TF: variants seen among roughly 807,000 people sequenced by gnomAD.
TF encodes transferrin.
Under a neutral mutation model 82.4 loss-of-function variants are expected in TF, and 55 were observed. The ratio of observed to expected loss-of-function variants is 0.67; its 90% confidence interval spans 0.54 to 0.84. TF has a LOEUF of 0.84. TF is among the 40% of genes least tolerant of loss of function. The probability of loss-of-function intolerance (pLI) is 0.00; values close to 1 mark genes in which losing one functional copy is unlikely to be tolerated. For synonymous variants in TF, 332 were observed against 332.6 expected, an observed-to-expected ratio of 1.00 and a Z score of 0.02; for missense variants, 737 against 868.4, an observed-to-expected ratio of 0.85 and a Z score of 1.90.
intron 16 of TF, 146 bp downstream of exon 16, chr3:133,777,384 C>T (rs554048970): frequency 1.4e-4 from 106 of 757,204 alleles, no homozygotes; most frequent in South Asian, 9.4e-4. Flanking sequence ...AATCTAAGCC[C>T]GGCATGTATG....
chr3:133,727,760 T>G, the TF span, among the ~76,000 whole-genome samples: 1 of 128,186 alleles, frequency 7.8e-6, no homozygotes. Context: ...TCGATGGTCT[T>G]TACATTTTGG....
chr3:133,720,340 T>C, the TF span, among the ~76,000 whole-genome samples: 51,671 of 152,042 alleles, frequency 0.34, 9,034 homozygotes, highest in East Asian at 0.41. Flanking sequence ...CTTTTTTGTG[T>C]CTATTCAAAT....
chr3:133,740,986 ATTTTTTTTTTTTTT>A, the TF span, among the ~76,000 whole-genome samples: 1 of 47,454 alleles, frequency 2.1e-5, no homozygotes, highest in Admixed American at 3.4e-4. Flanking sequence ...ATCCAGCTCT[ATTTTTTTTTTTTTT>A]TTTTTTTTTG....
chr3:133,782,071 G>A lies in TF; in HGVS notation c.*3451G>A, dbSNP rs1934526250. ...GTGTTCAACATCACTAATCATAAGGGAAATGTGAATTGAAACCATTATGAG... is the reference window on the plus strand; with the variant it reads ...GTGTTCAACATCACTAATCATAAGGAAAATGTGAATTGAAACCATTATGAG... On this transcript the variant is annotated 3_prime_UTR_variant, in exon 17 of 17. Coordinates refer to ENST00000402696, the MANE Select transcript of TF (RefSeq NM_001063.4). 6.6e-6 allele frequency: 1 copy of A among 152,044 alleles called. No homozygotes were observed. The highest frequency in any genetic ancestry group is 1.5e-5 in the Non-Finnish European group (1 of 68,016). The allele number at this position is 152,044 out of a possible 1,614,324, so 9.4% of individuals were successfully genotyped here.
At chr3:133,699,123 G>A in the TF span, among the ~76,000 whole-genome samples, 1 of 152,250 alleles carries the variant, frequency 6.6e-6, no homozygotes, top group Non-Finnish European at 1.5e-5. Context: ...ACAGAGCCTG[G>A]AGAGCCTTCA....
At position 133,764,887 on chromosome 3, in the gene TF, G is replaced by A; in HGVS notation, c.1310G>A (p.Cys437Tyr). 3 of 1,614,048 alleles carry A rather than the reference G, an allele frequency of 1.9e-6. No homozygotes were observed. Reference sequence around the variant, plus strand: ...TTTTCTCCTGCAGAGAGCGATAATTGTGAGGATACACCAGAGGCAGGTGAG... The same window carrying A: ...TTTTCTCCTGCAGAGAGCGATAATTATGAGGATACACCAGAGGCAGGTGAG... ...LAENYNKSDN[C>Y]EDTPEAGYFA... Residue 437 changes from cysteine to tyrosine, a missense_variant, in exon 11 of 17, where the codon TGT becomes TAT. Cys to Tyr is a radical substitution (Grantham distance 194). Coordinates refer to ENST00000402696, the MANE Select transcript of TF (RefSeq NM_001063.4).
the TF span, among the ~76,000 whole-genome samples, chr3:133,694,741 A>G: frequency 6.6e-6 from 1 of 152,156 alleles, no homozygotes; most frequent in Non-Finnish European, 1.5e-5. Flanking sequence ...TCTCCCTCTC[A>G]GCCCCCTTGC....
At chr3:133,689,179 A>G in the TF span, among the ~76,000 whole-genome samples, 1 of 152,070 alleles carries the variant, frequency 6.6e-6, no homozygotes. Context: ...AGAAAAATAC[A>G]AAAATTAGCC....
chr3:133,753,841 T>C, intron 3 of TF, 138 bp downstream of exon 3: 1 of 764,722 alleles, frequency 1.3e-6, no homozygotes. Context: ...TGAGGGGCCC[T>C]GTCAGCTGCC....
the TF span, among the ~76,000 whole-genome samples, chr3:133,709,337 G>A: frequency 6.6e-5 from 10 of 152,270 alleles, no homozygotes; most frequent in East Asian, 1.9e-3. Context: ...CAGCCAGAAG[G>A]GGGACAGGAT....
At chr3:133,671,092 G>C in the TF span, among the ~76,000 whole-genome samples, 1 of 152,208 alleles carries the variant, frequency 6.6e-6, no homozygotes, top group Non-Finnish European at 1.5e-5. Context: ...CCTTGAAGAG[G>C]CTCCAATAAA....
the TF span, among the ~76,000 whole-genome samples, chr3:133,716,779 T>C: frequency 1.3e-5 from 2 of 152,238 alleles, no homozygotes; most frequent in Non-Finnish European, 2.9e-5. Context: ...CTTTGATCTG[T>C]AAGGTTCTTT....
chr3:133,675,039 G>C, the TF span, among the ~76,000 whole-genome samples: 12 of 152,070 alleles, frequency 7.9e-5, no homozygotes, highest in Admixed American at 7.9e-4. Context: ...GATGTCAGGA[G>C]TTCCACACCA....
At chr3:133,696,877 A>G in the TF span, among the ~76,000 whole-genome samples, 1 of 152,258 alleles carries the variant, frequency 6.6e-6, no homozygotes, top group Non-Finnish European at 1.5e-5. Flanking sequence ...AATATTTCAG[A>G]CTAATTGAGT....
At chr3:133,736,594 A>T in the TF span, among the ~76,000 whole-genome samples, 1 of 146,210 alleles carries the variant, frequency 6.8e-6, no homozygotes, top group South Asian at 2.4e-4. Context: ...GCTCAAAATA[A>T]AGAGATAGAA....
At chr3:133,684,831 G>A in the TF span, among the ~76,000 whole-genome samples, 1 of 152,214 alleles carries the variant, frequency 6.6e-6, no homozygotes, top group Non-Finnish European at 1.5e-5. Flanking sequence ...AGAAAAACAG[G>A]GAGTCCTCTG....
chr3:133,754,990 G>T (rs8177321), intron 4 of TF, among the ~76,000 whole-genome samples: 6,645 of 152,282 alleles, frequency 0.044, 185 homozygotes, highest in South Asian at 0.13. Flanking sequence ...CTTTCCTGGA[G>T]GTTTCTCTGG....
chr3:133,710,584 AT>A, the TF span, among the ~76,000 whole-genome samples: 2 of 151,996 alleles, frequency 1.3e-5, no homozygotes, highest in Non-Finnish European at 2.9e-5. Flanking sequence ...TTCTCTTAAC[AT>A]CCCCCTGCCA....
the TF span, among the ~76,000 whole-genome samples, chr3:133,668,404 A>G: frequency 6.6e-6 from 1 of 152,178 alleles, no homozygotes; most frequent in Non-Finnish European, 1.5e-5. Context: ...AGCTCCTGTC[A>G]CAGAACAGAA....
Sources: gnomAD v4.1 joint callset for allele counts (sites outside exome capture counted in the v4.1 genomes callset) on GRCh38, gnomAD v4.1.1 for gene constraint, MANE v1.5 for transcripts, NCBI Gene and HGNC (gene_info 2026-07-23, HGNC 2026-07-21) for gene names.